The following CPAMD8 variants were observed in gnomAD, a reference collection of about 807,000 sequenced individuals.
The protein encoded by CPAMD8 is C3 and PZP like alpha-2-macroglobulin domain containing 8, also known as C3 and PZP-like alpha-2-macroglobulin domain-containing protein 8.
A neutral mutation model predicts 224.7 loss-of-function variants in CPAMD8; 146 were observed. The observed-to-expected ratio is 0.65, with a 90% CI of 0.57 to 0.75. The LOEUF is 0.75. Among genes scored for constraint, CPAMD8 ranks in the 30% least tolerant of loss-of-function variants. The probability of loss-of-function intolerance (pLI) is 0.00; values close to 1 mark genes in which losing one functional copy is unlikely to be tolerated. For synonymous variants in CPAMD8, 966 were observed against 1,044.6 expected, an observed-to-expected ratio of 0.92 and a Z score of 1.45; for missense variants, 2,301 against 2,537.5, an observed-to-expected ratio of 0.91 and a Z score of 2.00.
Position 16,925,088 on chromosome 19 carries a change from C to A in CPAMD8, c.3547+108G>T, listed in dbSNP as rs3745333. 112,354 of 1,191,660 alleles carry A rather than the reference C, an allele frequency of 0.094. 5,826 individuals carry two copies. The highest frequency in any genetic ancestry group is 0.14 in the South Asian group (10,292 of 73,132). The allele number at this position is 1,191,660 out of a possible 1,614,324, so 73.8% of individuals were successfully genotyped here. On this transcript the variant is annotated intron_variant, in intron 26 of 41. Transcript: ENST00000443236. ...ATGGCCTCTTTTGCCCACTTCCTCCCCTTTGCTGCACCTGGTGTGTGGGCC... is the reference window on the plus strand; with the variant it reads ...ATGGCCTCTTTTGCCCACTTCCTCCACTTTGCTGCACCTGGTGTGTGGGCC...
In CPAMD8 at chr19:16,984,721, G is replaced by C. The variant is rs187957108; in HGVS notation, c.1396-4035C>G. Among the ~76,000 whole-genome samples the C allele has an allele frequency of 1.8e-4, 28 of 152,264 alleles. No homozygotes were observed. In the East Asian group the frequency reaches 4.0e-3, roughly 22 times the overall value. On this transcript the variant is annotated intron_variant, in intron 13 of 41. Transcript: ENST00000443236. ...AAGATAAACAACCCAATTATTAACA[G>C]TAGTGGGGCTGGGTGTGGTGGTTAC...
intron 16 of CPAMD8, 67 bp from the exon 17 acceptor site, chr19:16,975,325 G>A: frequency 7.5e-7 from 1 of 1,338,066 alleles, no homozygotes; most frequent in South Asian, 1.3e-5. Flanking sequence ...TGGCTCCCGT[G>A]GGTGTGGCAT....
intron 29 of CPAMD8, among the ~76,000 whole-genome samples, chr19:16,908,231 C>T (rs1190555544): frequency 7.2e-5 from 11 of 151,974 alleles, no homozygotes; most frequent in Admixed American, 3.9e-4. Flanking sequence ...TGGTGGTGGG[C>T]GCCTATAATC....
At chr19:17,008,426 G>A in intron 7 of CPAMD8, 79 bp downstream of exon 7, 1 of 1,539,914 alleles carries the variant, frequency 6.5e-7, no homozygotes, top group Non-Finnish European at 8.9e-7. Flanking sequence ...TTAGCGGTGG[G>A]CCCTGGACAG....
intron 41 of CPAMD8, chr19:16,895,669 A>G (rs1280579922): frequency 2.9e-6 from 1 of 346,460 alleles, no homozygotes; most frequent in East Asian, 7.6e-5. Context: ...TAGTCCAAAA[A>G]TCCTAAATCT....
intron 7 of CPAMD8, among the ~76,000 whole-genome samples, chr19:17,005,731 G>A (rs540314088): frequency 6.6e-5 from 10 of 152,216 alleles, no homozygotes; most frequent in Admixed American, 2.6e-4. Context: ...AACCCATAGC[G>A]GCGCCCACGG....
At chr19:17,010,458 T>C (rs1243967317) in intron 5 of CPAMD8, among the ~76,000 whole-genome samples, 1 of 151,908 alleles carries the variant, frequency 6.6e-6, no homozygotes, top group African/African-American at 2.4e-5. Flanking sequence ...CAGAATGGTC[T>C]CGGACTCCTG....
intron 17 of CPAMD8, 120 bp downstream of exon 17, chr19:16,974,977 A>G (rs2055204719): frequency 2.2e-6 from 3 of 1,368,040 alleles, no homozygotes; most frequent in African/African-American, 2.9e-5. Flanking sequence ...CCCATCTCGA[A>G]AAAAAGAAAG....
Position 17,009,287 on chromosome 19 carries a change from G to A in CPAMD8, c.504+16C>T. 1 of 1,614,060 alleles carries A rather than the reference G, an allele frequency of 6.2e-7. No individual in the cohort carries two copies. Among genetic ancestry groups the A allele is most frequent in the Non-Finnish European group, 8.5e-7 (1 of 1,179,960 alleles). On this transcript the variant is annotated intron_variant, in intron 6 of 41. Coordinates refer to ENST00000443236, the MANE Select transcript of CPAMD8 (RefSeq NM_015692.5). ...GGGCCCCAAGTCCAAGCCGAGGAAG[G>A]ACAGAGGCCACTCACCAGGATGTAG...
At chr19:16,999,532 C>T (rs1162940714) in intron 10 of CPAMD8, among the ~76,000 whole-genome samples, 3 of 150,686 alleles carry the variant, frequency 2.0e-5, no homozygotes, top group South Asian at 4.2e-4. Context: ...TTGCAGTGAG[C>T]CGAGATCACG....
Position 16,896,566 on chromosome 19 carries a change from G to T in CPAMD8, c.5165C>A (p.Pro1722Gln), listed in dbSNP as rs945273045. 2 of 1,509,610 alleles carry T rather than the reference G, an allele frequency of 1.3e-6. No individual in the cohort carries two copies. The highest frequency in any genetic ancestry group is 2.0e-5 in the Admixed American group (1 of 48,854). The allele number at this position is 1,509,610 out of a possible 1,614,324, so 93.5% of individuals were successfully genotyped here. The change falls in exon 40 of 42, where the codon CCG becomes CAG. Residue 1722 changes from proline to glutamine, a missense_variant. Transcript: ENST00000443236. Reference protein sequence around the residue: ...CDHDCGAQGNPVCGSDGVVYA... With the variant: ...CDHDCGAQGNQVCGSDGVVYA... ...GACCACCCCGTCGGAGCCGCACACC[G>T]GGTTCCCCTGGGCGCCGCAGTCGTG...
intron 23 of CPAMD8, among the ~76,000 whole-genome samples, chr19:16,935,002 A>C (rs1398130836): frequency 6.6e-6 from 1 of 152,140 alleles, no homozygotes; most frequent in Admixed American, 6.6e-5. Flanking sequence ...GCCTCTTGTA[A>C]ACACCATTCT....
At chr19:16,940,955 G>A (rs951811859) in intron 22 of CPAMD8, among the ~76,000 whole-genome samples, 4 of 152,192 alleles carry the variant, frequency 2.6e-5, no homozygotes, top group African/African-American at 9.7e-5. Flanking sequence ...TTTTGAGATG[G>A]AATCTCGCTC....
At chr19:17,017,062 G>C (rs370566223) in intron 3 of CPAMD8, among the ~76,000 whole-genome samples, 1 of 152,028 alleles carries the variant, frequency 6.6e-6, no homozygotes, top group East Asian at 1.9e-4. Flanking sequence ...ATTTACAGCC[G>C]CTCCCCATCA....
At chr19:16,938,511 G>C in intron 22 of CPAMD8, 65 bp from the exon 23 acceptor site, 1 of 865,944 alleles carries the variant, frequency 1.2e-6, no homozygotes, top group Non-Finnish European at 1.8e-6. Flanking sequence ...GCTCAGCGGA[G>C]CAGCTGGCTC....
At chr19:16,973,788 A>G (rs183840143) in intron 17 of CPAMD8, among the ~76,000 whole-genome samples, 1 of 150,436 alleles carries the variant, frequency 6.6e-6, no homozygotes, top group East Asian at 2.0e-4. Context: ...ATATCACATC[A>G]TGAAAACGTC....
intron 7 of CPAMD8, among the ~76,000 whole-genome samples, chr19:17,007,796 A>T (rs2056533638): frequency 6.6e-6 from 1 of 152,264 alleles, no homozygotes; most frequent in Non-Finnish European, 1.5e-5. Flanking sequence ...AAAAAAGCAA[A>T]GTCCTTTCTG....
intron 13 of CPAMD8, among the ~76,000 whole-genome samples, chr19:16,987,054 G>T (rs923677673): frequency 9.4e-5 from 14 of 149,062 alleles, no homozygotes; most frequent in Admixed American, 6.8e-5. Flanking sequence ...AGCTACTCGG[G>T]AGGCTGAGGC....
intron 27 of CPAMD8, among the ~76,000 whole-genome samples, chr19:16,918,412 C>T (rs1337865210): frequency 1.9e-5 from 2 of 102,614 alleles, no homozygotes; most frequent in African/African-American, 2.9e-5. Flanking sequence ...TTCAACTTTT[C>T]GTTTTTGGAA....
Sources: gnomAD v4.1 joint callset for allele counts (sites outside exome capture counted in the v4.1 genomes callset) on GRCh38, gnomAD v4.1.1 for gene constraint, MANE v1.5 for transcripts, NCBI Gene and HGNC (gene_info 2026-07-23, HGNC 2026-07-21) for gene names.